Variants in KIAA0319L observed in about 807,000 individuals in gnomAD.
KIAA0319L encodes the protein KIAA0319 like.
A neutral mutation model predicts 120.1 loss-of-function variants in KIAA0319L; 55 were observed. That is an observed-to-expected ratio of 0.46 (90% CI 0.37 to 0.57). The LOEUF (loss-of-function observed/expected upper bound fraction) is 0.57. Ranked by LOEUF, KIAA0319L falls within the 20% of genes least tolerant of loss-of-function variation. The probability of loss-of-function intolerance (pLI) is 0.00; values close to 1 mark genes in which losing one functional copy is unlikely to be tolerated. For synonymous variants in KIAA0319L, 398 were observed against 471.9 expected (o/e 0.84, Z 2.03); for missense variants, 1,049 against 1,255.3 (o/e 0.84, Z 2.48).
chr1:35,481,197 G>A (rs1644148746), intron 3 of KIAA0319L, among the ~76,000 whole-genome samples: 1 of 152,120 alleles, frequency 6.6e-6, no homozygotes. Flanking sequence ...TTTATCTACT[G>A]ATGGAATTTT....
intron 17 of KIAA0319L, among the ~76,000 whole-genome samples, chr1:35,443,596 CGGG>C (rs553846424): frequency 4.0e-5 from 6 of 151,788 alleles, no homozygotes; most frequent in African/African-American, 1.5e-4. Context: ...CACTTGAACC[CGGG>C]GGGGCGGAGG....
rs751229477 is a variant in KIAA0319L, at chr1:35,451,660, C to T, written c.2030G>A (p.Ser677Asn). The change falls in exon 13 of 21, where the codon AGC (serine) becomes AAC (asparagine). Residue 677 changes from serine (S) to asparagine (N), a missense_variant. Physicochemically the swap from Ser to Asn is conservative, Grantham distance 46 (BLOSUM62 1). Coordinates refer to ENST00000325722, the MANE Select transcript of KIAA0319L (RefSeq NM_024874.5). ...GACAATGACATTCACAGAGCTCTGGCTTTGCAGGTTCCTCTCATCTTTGAC... is the reference window on the plus strand; with the variant it reads ...GACAATGACATTCACAGAGCTCTGGTTTTGCAGGTTCCTCTCATCTTTGAC... ...LTVKDERNLQ[S>N]QSSVNVIVKE... 1.9e-6 allele frequency: 3 copies of T among 1,614,162 alleles called. No homozygotes were observed. Among genetic ancestry groups the T allele is most frequent in the Non-Finnish European group, 2.5e-6 (3 of 1,180,012 alleles).
At chr1:35,521,926 T>C (rs969135158) in intron 2 of KIAA0319L, among the ~76,000 whole-genome samples, 5 of 151,654 alleles carry the variant, frequency 3.3e-5, no homozygotes. Flanking sequence ...TGAGCCAAGA[T>C]CACACCACTG....
At chr1:35,526,757 T>A (rs1156685850) in intron 2 of KIAA0319L, among the ~76,000 whole-genome samples, 2 of 151,976 alleles carry the variant, frequency 1.3e-5, no homozygotes, top group African/African-American at 2.4e-5. Context: ...GTTATTGGAG[T>A]CTTTGTGGTT....
At chr1:35,534,247 A>C (rs960243607) in intron 2 of KIAA0319L, among the ~76,000 whole-genome samples, 4 of 152,320 alleles carry the variant, frequency 2.6e-5, no homozygotes, top group South Asian at 4.1e-4. Flanking sequence ...ACTAACTGCT[A>C]CACAAGAATT....
intron 2 of KIAA0319L, among the ~76,000 whole-genome samples, chr1:35,526,392 T>TATATATACATAC (rs1553224172): frequency 3.0e-5 from 3 of 100,148 alleles, no homozygotes; most frequent in Non-Finnish European, 4.8e-5. Context: ...TACATACATA[T>TATATATACATAC]ATATATATAT....
chr1:35,548,878 T>C (rs1647086987), intron 2 of KIAA0319L, among the ~76,000 whole-genome samples: 1 of 152,176 alleles, frequency 6.6e-6, no homozygotes, highest in Non-Finnish European at 1.5e-5. Flanking sequence ...TGCTCTTGCA[T>C]TCCCATTGCA....
chr1:35,533,112 T>G (rs1374665886), intron 2 of KIAA0319L: 1 of 152,230 alleles, frequency 6.6e-6, no homozygotes, highest in African/African-American at 2.4e-5. Flanking sequence ...TAAATACTTT[T>G]AGAAAGCTGT....
At chr1:35,449,567 C>T (rs1641894078) in intron 15 of KIAA0319L, among the ~76,000 whole-genome samples, 1 of 152,216 alleles carries the variant, frequency 6.6e-6, no homozygotes, top group Non-Finnish European at 1.5e-5. Flanking sequence ...AAGTGCTGGA[C>T]TACGAGCACA....
intron 2 of KIAA0319L, among the ~76,000 whole-genome samples, chr1:35,514,011 A>G (rs538607782): frequency 3.3e-5 from 5 of 152,226 alleles, no homozygotes; most frequent in Non-Finnish European, 7.4e-5. Context: ...AATTCAAAGT[A>G]TTTTCCAGCC....
chr1:35,481,026 G>A lies in KIAA0319L; in HGVS notation c.667-1814C>T, dbSNP rs1427224247. 3.9e-5 allele frequency among the ~76,000 whole-genome samples: 6 copies of A among 152,240 alleles called. No individual in the cohort carries two copies. The East Asian group carries it at 1.2e-3, about 29-fold the overall frequency. On this transcript the variant is annotated intron_variant, in intron 3 of 20. Coordinates refer to ENST00000325722, the MANE Select transcript of KIAA0319L (RefSeq NM_024874.5). ...AAGTGAGATTAGTTTGGGTTTTCTT[G>A]TATTTCATATAAAAGGAAGCATATA... is the stretch of plus-strand genomic sequence containing the variant.
chr1:35,552,141 G>T (rs1647252196), intron 2 of KIAA0319L, among the ~76,000 whole-genome samples: 1 of 152,070 alleles, frequency 6.6e-6, no homozygotes, highest in Admixed American at 6.5e-5. Context: ...TCAAGAGATG[G>T]AGACCATCCT....
chr1:35,441,981 C>T (rs1231213002), intron 19 of KIAA0319L, among the ~76,000 whole-genome samples: 1 of 152,188 alleles, frequency 6.6e-6, no homozygotes, highest in Non-Finnish European at 1.5e-5. Flanking sequence ...CTCACTCCCC[C>T]ACCTTGCCCT....
chr1:35,451,640 T>C lies in KIAA0319L; in HGVS notation c.2050A>G (p.Ile684Val), dbSNP rs1478692445. The C allele has an allele frequency of 2.5e-6, 4 of 1,613,934 alleles. No homozygotes were observed. Among genetic ancestry groups the C allele is most frequent in the Non-Finnish European group, 3.4e-6 (4 of 1,179,970 alleles). ...NLQSQSSVNV[I>V]VKEEINKPPI... ...GGCAGAGAGGTACCTTCTTTGACAA[T>C]GACATTCACAGAGCTCTGGCTTTGC... The change falls in exon 13 of 21, where the codon ATT (isoleucine) becomes GTT (valine). Residue 684 changes from isoleucine to valine, a missense_variant. Physicochemically the swap from Ile to Val is conservative, Grantham distance 29. Transcript: ENST00000325722.
At chr1:35,468,985 TA>T (rs1643449315) in intron 6 of KIAA0319L, among the ~76,000 whole-genome samples, 1 of 152,346 alleles carries the variant, frequency 6.6e-6, no homozygotes, top group Admixed American at 6.5e-5. Flanking sequence ...GTGTACAAAA[TA>T]ATCGGCACTG....
intron 7 of KIAA0319L, among the ~76,000 whole-genome samples, chr1:35,464,065 G>T (rs1208260148): frequency 6.6e-6 from 1 of 152,074 alleles, no homozygotes; most frequent in Non-Finnish European, 1.5e-5. Context: ...CCCAGTCTCG[G>T]GCATGTCTTT....
At chr1:35,482,178 AAAGT>A (rs927044423) in intron 3 of KIAA0319L, among the ~76,000 whole-genome samples, 2 of 152,078 alleles carry the variant, frequency 1.3e-5, no homozygotes, top group South Asian at 2.1e-4. Context: ...ATGGAATCAC[AAAGT>A]AAGTACCCTT....
Position 35,474,789 on chromosome 1 carries a change from G to A in KIAA0319L, c.1015+16C>T. On this transcript the variant is annotated intron_variant, in intron 5 of 20. Transcript: ENST00000325722. The stretch of plus-strand genomic sequence containing the variant: ...AAAAACAAAAAACGGTTATCCAAAT[G>A]TAAGGGGATGTTTACCTTTAGGTGG... The A allele has an allele frequency of 2.1e-6, 3 of 1,457,862 alleles. No homozygotes were observed. The highest frequency in any genetic ancestry group is 2.9e-6 in the Non-Finnish European group (3 of 1,039,150). The allele number at this position is 1,457,862 out of a possible 1,614,324, so 90.3% of individuals were successfully genotyped here. A position where few individuals can be genotyped will look rare whatever the true frequency, so the allele number is the denominator to read the frequency against.
At chr1:35,526,731 T>G (rs1475764358) in intron 2 of KIAA0319L, among the ~76,000 whole-genome samples, 2 of 152,138 alleles carry the variant, frequency 1.3e-5, no homozygotes, top group East Asian at 3.8e-4. Flanking sequence ...TTATTCTTTT[T>G]GTTCAAATTG....
Sources: allele counts gnomAD v4.1 joint callset (sites outside exome capture counted in the v4.1 genomes callset), GRCh38; gene constraint gnomAD v4.1.1; transcripts MANE v1.5; gene names NCBI Gene and HGNC (gene_info 2026-07-23, HGNC 2026-07-21).